B4GALT7: variants seen among roughly 807,000 people sequenced by gnomAD.
B4GALT7 encodes beta-1,4-galactosyltransferase 7.
A neutral mutation model predicts 33.0 loss-of-function variants in B4GALT7; 30 were observed. The observed-to-expected ratio is 0.91, with a 90% CI of 0.68 to 1.23. B4GALT7 has a LOEUF of 1.23. Ranked by LOEUF, B4GALT7 falls within the 50% of genes most tolerant of loss-of-function variation. The probability of loss-of-function intolerance (pLI) is 0.00; values close to 1 mark genes in which losing one functional copy is unlikely to be tolerated. For missense variants in B4GALT7, 507 were observed against 450.8 expected (o/e 1.12, Z -1.13); for synonymous variants, 213 against 187.2 (o/e 1.14, Z -1.13).
chr5:177,608,079 T>G lies in B4GALT7; in HGVS notation c.640-460T>G. 4.2e-6 allele frequency: 1 copy of G among 236,918 alleles called. No individual in the cohort carries two copies. The highest frequency in any genetic ancestry group is 8.4e-6 in the Non-Finnish European group (1 of 118,712). 14.7% of individuals were successfully genotyped at this position (236,918 alleles called of 1,614,324 possible). On this transcript the variant is annotated intron_variant, in intron 3 of 5. Transcript: ENST00000029410. The surrounding 1 kb of genome is among the most constrained non-coding windows in gnomAD (Gnocchi z 4.1). ...GAAGCACTTGTGGCTCAGGCCTGGG[T>G]GTCCTCCTCTCCAGGCCATGGCAGG...
intron 2 of B4GALT7, chr5:177,605,186 G>A (rs962795858): frequency 5.4e-6 from 2 of 372,910 alleles, no homozygotes; most frequent in Non-Finnish European, 1.1e-5. Flanking sequence ...CCAACCTGGA[G>A]TCCAAGGTCC....
rs764302023 is a variant in B4GALT7, at chr5:177,607,237, G to C, written c.414-65G>C. ...ATAGGCACCATGGGGACCCCCGGGT[G>C]GGTGCTGAGCCCCAGGCAGTGAGCC... On this transcript the variant is annotated intron_variant, in intron 2 of 5. Transcript: ENST00000029410. 10 of 1,434,128 alleles carry C rather than the reference G, an allele frequency of 7.0e-6. No homozygotes were observed. The Admixed American group carries it at 2.0e-4, about 28-fold the overall frequency. The allele number at this position is 1,434,128 out of a possible 1,614,324, so 88.8% of individuals were successfully genotyped here. A position where few individuals can be genotyped will look rare whatever the true frequency, so the allele number is the denominator to read the frequency against.
At chr5:177,601,014 A>C (rs908338848) in intron 1 of B4GALT7, among the ~76,000 whole-genome samples, 3 of 152,190 alleles carry the variant, frequency 2.0e-5, no homozygotes, top group African/African-American at 7.2e-5. Flanking sequence ...TTCGTGGGGC[A>C]CTTGAGATGT....
chr5:177,607,624 T>A (rs1244085501), intron 3 of B4GALT7, 97 bp downstream of exon 3: 1 of 1,222,686 alleles, frequency 8.2e-7, no homozygotes, highest in African/African-American at 1.5e-5. Context: ...GCCCAGCAGA[T>A]GGAGCCCTGC....
rs374322221 is a variant in B4GALT7 at position 177,608,495 on chromosome 5, C to T, written c.640-44C>T. ...GCGGTAGGAGACCAAAGGCCCCCCC[C>T]CCCGGGAAGATGGGCCGAGTGACGC... On this transcript the variant is annotated intron_variant, in intron 3 of 5. Transcript: ENST00000029410. This position sits in a 1 kb window ranked among gnomAD's most constrained non-coding sequence, Gnocchi z 4.1. 6.3e-5 allele frequency: 98 copies of T among 1,565,678 alleles called. 1 individual carries two copies. The highest frequency in any genetic ancestry group is 7.3e-5 in the Non-Finnish European group (83 of 1,138,274).
In B4GALT7 at chr5:177,607,328, T is replaced by C; in HGVS notation, c.440T>C (p.Val147Ala). 6.2e-7 allele frequency: 1 copy of C among 1,612,998 alleles called. No homozygotes were observed. The highest frequency in any genetic ancestry group is 8.5e-7 in the Non-Finnish European group (1 of 1,179,558). The change falls in exon 3 of 6, where the codon GTG (valine) becomes GCG (alanine). Residue 147 changes from valine to alanine, a missense_variant. Physicochemically the swap from Val to Ala is moderately conservative, Grantham distance 64. Coordinates refer to ENST00000029410, the MANE Select transcript of B4GALT7 (RefSeq NM_007255.3). ...FRFNRAALIN[V>A]GFLESSNSTD... ...TTCAACCGGGCAGCGCTCATCAACG[T>C]GGGCTTCCTGGAGAGCAGCAACAGC...
In B4GALT7 at chr5:177,600,877, T is replaced by C. The variant is rs139957156; in HGVS notation, c.50+617T>C. Among the ~76,000 whole-genome samples, 1,303 of 152,312 alleles carry C rather than the reference T, an allele frequency of 8.6e-3. 13 individuals are homozygous for C. Among genetic ancestry groups the C allele is most frequent in the Non-Finnish European group, 0.012 (817 of 68,028 alleles). ...CCTGGCACGTACTAGACACTCCTTA[T>C]ACACGCATTAGTCCATTTCCTGTGC... On this transcript the variant is annotated intron_variant, in intron 1 of 5. Transcript: ENST00000029410. This position sits in a 1 kb window ranked among gnomAD's most constrained non-coding sequence, Gnocchi z 4.4.
At position 177,607,502 on chromosome 5, in the gene B4GALT7, T is replaced by C. The variant is rs771458628; in HGVS notation, c.614T>C (p.Leu205Pro). The C allele has an allele frequency of 3.7e-6, 6 of 1,612,814 alleles. No homozygotes were observed. In the East Asian group the frequency reaches 8.9e-5, roughly 24 times the overall value. ...AAGACCTATGTCGGCGGCATCCTGC[T>C]GCTCTCCAAGCAGCACTACCGGCTG... is the stretch of plus-strand genomic sequence containing the variant. ...HYKTYVGGIL[L>P]LSKQHYRLCN... The change falls in exon 3 of 6, where the codon CTG becomes CCG. Residue 205 changes from leucine to proline, a missense_variant. Physicochemically the swap from Leu to Pro is moderately conservative, Grantham distance 98. Coordinates refer to ENST00000029410, the MANE Select transcript of B4GALT7 (RefSeq NM_007255.3).
intron 1 of B4GALT7, chr5:177,602,966 T>A (rs1303468521): frequency 1.9e-6 from 1 of 532,562 alleles, no homozygotes; most frequent in Non-Finnish European, 2.4e-6. Context: ...CACTGCAACC[T>A]CCGCCTCCCA....
At chr5:177,607,881 GGTT>G (rs1394070585) in intron 3 of B4GALT7, 32 of 377,620 alleles carry the variant, frequency 8.5e-5, no homozygotes, top group South Asian at 6.8e-4. Context: ...GCAAGGTGGT[GGTT>G]GTTACTGCAG....
chr5:177,603,941 G>GGAGT (rs1450418859), intron 1 of B4GALT7: 3 of 578,122 alleles, frequency 5.2e-6, no homozygotes, highest in African/African-American at 1.9e-5. Context: ...CTGTGAACTG[G>GGAGT]GAGTGGTTCA....
At position 177,600,175 on chromosome 5, in the gene B4GALT7, G is replaced by T. The variant is rs1241587845; in HGVS notation, c.-36G>T. The T allele has an allele frequency of 3.2e-6, 4 of 1,259,324 alleles. No individual in the cohort carries two copies. Among genetic ancestry groups the T allele is most frequent in the South Asian group, 2.8e-5 (1 of 35,664 alleles). The allele number at this position is 1,259,324 out of a possible 1,614,324, so 78.0% of individuals were successfully genotyped here. A position where few individuals can be genotyped will look rare whatever the true frequency, so the allele number is the denominator to read the frequency against. ...CGGGAGGCCGGGCCGGCCGGGCTGC[G>T]AGCGCCTGCCCCATGCGCCGCCGCC... On this transcript the variant is annotated 5_prime_UTR_variant, in exon 1 of 6. Transcript: ENST00000029410. The surrounding 1 kb of genome is among the most constrained non-coding windows in gnomAD (Gnocchi z 4.4).
Position 177,607,361 on chromosome 5 carries a change from A to G in B4GALT7, c.473A>G (p.Tyr158Cys), listed in dbSNP as rs1259800618. The change falls in exon 3 of 6, where the codon TAC (tyrosine) becomes TGC (cysteine). Residue 158 changes from tyrosine to cysteine, a missense_variant. Transcript: ENST00000029410. The stretch of plus-strand genomic sequence containing the variant: ...CTGGAGAGCAGCAACAGCACGGACT[A>G]CATTGCCATGCACGACGTTGACCTG... ...GFLESSNSTD[Y>C]IAMHDVDLLP... 13 of 1,613,938 alleles carry G rather than the reference A, an allele frequency of 8.1e-6. No homozygotes were observed. The highest frequency in any genetic ancestry group is 1.3e-5 in the African/African-American group (1 of 74,950).
chr5:177,603,608 G>A (rs1581991823), intron 1 of B4GALT7, among the ~76,000 whole-genome samples: 1 of 152,304 alleles, frequency 6.6e-6, no homozygotes, highest in East Asian at 1.9e-4. Flanking sequence ...CGGGGGGCAC[G>A]TCTGATCTTC....
At chr5:177,609,403 C>T in intron 5 of B4GALT7, 137 bp from the exon 6 acceptor site, 1 of 1,155,104 alleles carries the variant, frequency 8.7e-7, no homozygotes, top group Non-Finnish European at 1.3e-6. Context: ...GGGCAAGAGG[C>T]TTCACTGCTT....
At position 177,600,323 on chromosome 5, in the gene B4GALT7, G is replaced by A; in HGVS notation, c.50+63G>A. On this transcript the variant is annotated intron_variant, in intron 1 of 5. Transcript: ENST00000029410. This position sits in a 1 kb window ranked among gnomAD's most constrained non-coding sequence, Gnocchi z 4.4. ...GGCGCCGCTCCCTTCTCGGCCGCCG[G>A]CGGAATCTGGGAACCCGAGGCCATC... is the stretch of plus-strand genomic sequence containing the variant. 1 of 1,239,394 alleles carries A rather than the reference G, an allele frequency of 8.1e-7. No homozygotes were observed. The highest frequency in any genetic ancestry group is 1.0e-6 in the Non-Finnish European group (1 of 978,958). The allele number at this position is 1,239,394 out of a possible 1,614,324, so 76.8% of individuals were successfully genotyped here.
In B4GALT7 at chr5:177,604,145, C is replaced by T. The variant is rs752667413; in HGVS notation, c.51-34C>T. 1.5e-5 allele frequency: 24 copies of T among 1,612,498 alleles called. 1 individual carries two copies. The South Asian group carries it at 2.1e-4, about 14-fold the overall frequency. On this transcript the variant is annotated intron_variant, in intron 1 of 5. Coordinates refer to ENST00000029410, the MANE Select transcript of B4GALT7 (RefSeq NM_007255.3). Reference sequence around the variant, plus strand: ...GGTCTGTCACAGGGCCAGCCCTGCCCCGCCCTCCTGACCCTGTCCCGCGCT... The same window carrying T: ...GGTCTGTCACAGGGCCAGCCCTGCCTCGCCCTCCTGACCCTGTCCCGCGCT...
Position 177,608,642 on chromosome 5 carries a change from G to A in B4GALT7, c.723+20G>A, listed in dbSNP as rs199543624. On this transcript the variant is annotated intron_variant, in intron 4 of 5. Coordinates refer to ENST00000029410, the MANE Select transcript of B4GALT7 (RefSeq NM_007255.3). This position sits in a 1 kb window ranked among gnomAD's most constrained non-coding sequence, Gnocchi z 4.1. ...CTCCAGGTGAGATTCCCCGGGCCCC[G>A]CCGCCACCTCAGCTGCGGTGGCTGC... The A allele has an allele frequency of 6.0e-4, 970 of 1,608,054 alleles. No homozygotes were observed. Among genetic ancestry groups the A allele is most frequent in the Non-Finnish European group, 5.9e-4 (696 of 1,176,080 alleles).
chr5:177,600,383 G>A lies in B4GALT7; in HGVS notation c.50+123G>A. Reference sequence around the variant, plus strand: ...TGTCTGCGGGTTTCTGTGAGGGCGTGTGGTTCTCCCTGTGGGTCCCTGGCG... The same window carrying A: ...TGTCTGCGGGTTTCTGTGAGGGCGTATGGTTCTCCCTGTGGGTCCCTGGCG... On this transcript the variant is annotated intron_variant, in intron 1 of 5. Transcript: ENST00000029410. This position sits in a 1 kb window ranked among gnomAD's most constrained non-coding sequence, Gnocchi z 4.4. 1 of 811,496 alleles carries A rather than the reference G, an allele frequency of 1.2e-6. No individual in the cohort carries two copies. Among genetic ancestry groups the A allele is most frequent in the Non-Finnish European group, 1.7e-6 (1 of 604,530 alleles). 50.3% of individuals were successfully genotyped at this position (811,496 alleles called of 1,614,324 possible).
Sources: gnomAD v4.1 joint callset for allele counts (sites outside exome capture counted in the v4.1 genomes callset) on GRCh38, gnomAD v4.1.1 for gene constraint, Gnocchi (gnomAD v3.1) non-coding constraint, MANE v1.5 for transcripts, NCBI Gene and HGNC (gene_info 2026-07-23, HGNC 2026-07-21) for gene names.